GRIK1: variants seen among roughly 807,000 people sequenced by gnomAD.
GRIK1 encodes the protein glutamate receptor ionotropic, kainate 1.
In GRIK1, 69 loss-of-function variants were observed where a neutral mutation model predicts 105.7. The observed-to-expected ratio is 0.65, with a 90% confidence interval of 0.54 to 0.80. The LOEUF (loss-of-function observed/expected upper bound fraction) is 0.80. Ranked by LOEUF, GRIK1 falls within the 30% of genes least tolerant of loss-of-function variation. The pLI, the probability that GRIK1 is intolerant of heterozygous loss-of-function variation, is 0.00. For synonymous variants in GRIK1, 438 were observed against 431.3 expected (o/e 1.02, Z -0.19); for missense variants, 1,109 against 1,167.3 (o/e 0.95, Z 0.73).
At chr21:29,600,369 G>C (rs1468186680) in intron 7 of GRIK1, among the ~76,000 whole-genome samples, 1 of 152,122 alleles carries the variant, frequency 6.6e-6, no homozygotes, top group Non-Finnish European at 1.5e-5. Context: ...AACTCACATT[G>C]GGTATCTCTG....
intron 7 of GRIK1, among the ~76,000 whole-genome samples, chr21:29,621,171 C>T (rs2061993392): frequency 6.6e-6 from 1 of 152,018 alleles, no homozygotes; most frequent in African/African-American, 2.4e-5. Context: ...AGACAAAATT[C>T]TAGTTTCTCA....
At chr21:29,721,214 T>C (rs769247625) in intron 1 of GRIK1, among the ~76,000 whole-genome samples, 5 of 152,200 alleles carry the variant, frequency 3.3e-5, no homozygotes, top group Non-Finnish European at 7.3e-5. Flanking sequence ...TTTTTCCTGT[T>C]GATGTGCTTG....
At chr21:29,609,060 A>G (rs1048953274) in intron 7 of GRIK1, among the ~76,000 whole-genome samples, 2 of 151,230 alleles carry the variant, frequency 1.3e-5, no homozygotes, top group African/African-American at 2.4e-5. Flanking sequence ...CATTTCTTTT[A>G]TTCTTTTAAT....
intron 1 of GRIK1, among the ~76,000 whole-genome samples, chr21:29,910,464 C>T (rs1006837523): frequency 2.0e-4 from 30 of 152,184 alleles, no homozygotes; most frequent in Admixed American, 8.5e-4. Flanking sequence ...ACAAGTGTTT[C>T]ACTAACCTGA....
chr21:29,620,252 T>C (rs545613353), intron 7 of GRIK1, among the ~76,000 whole-genome samples: 1 of 152,272 alleles, frequency 6.6e-6, no homozygotes, highest in South Asian at 2.1e-4. Flanking sequence ...CTCTGCAGTT[T>C]TCAAATGTTG....
At chr21:29,937,622 G>A (rs995261411) in intron 1 of GRIK1, among the ~76,000 whole-genome samples, 3 of 152,092 alleles carry the variant, frequency 2.0e-5, no homozygotes, top group Non-Finnish European at 4.4e-5. Context: ...AAAGGAAAAT[G>A]CTACCTTATA....
At chr21:29,934,520 C>T (rs1000932600) in intron 1 of GRIK1, among the ~76,000 whole-genome samples, 13 of 151,956 alleles carry the variant, frequency 8.6e-5, no homozygotes, top group African/African-American at 3.1e-4. Flanking sequence ...AAGCTGAAAT[C>T]AAATATAAGA....
At chr21:29,916,237 C>T (rs558103214) in intron 1 of GRIK1, among the ~76,000 whole-genome samples, 20 of 151,806 alleles carry the variant, frequency 1.3e-4, no homozygotes, top group Non-Finnish European at 2.5e-4. Context: ...ATATTAATAT[C>T]CATATTATAA....
intron 2 of GRIK1, among the ~76,000 whole-genome samples, chr21:29,690,422 C>A (rs2063564164): frequency 6.6e-6 from 1 of 152,164 alleles, no homozygotes; most frequent in African/African-American, 2.4e-5. Flanking sequence ...TAATGTAGAA[C>A]CTCTCGGTAA....
At chr21:29,608,798 A>G (rs2061672048) in intron 7 of GRIK1, among the ~76,000 whole-genome samples, 1 of 152,182 alleles carries the variant, frequency 6.6e-6, no homozygotes, top group Admixed American at 6.5e-5. Context: ...ACCTATTGGC[A>G]CTTCAAACAG....
chr21:29,930,592 A>T (rs554336376), intron 1 of GRIK1, among the ~76,000 whole-genome samples: 1 of 152,320 alleles, frequency 6.6e-6, no homozygotes, highest in South Asian at 2.1e-4. Context: ...AGACATCAGC[A>T]CTTAAAGCAT....
At chr21:29,843,164 TATTTTAA>T (rs2068026446) in intron 1 of GRIK1, among the ~76,000 whole-genome samples, 1 of 152,132 alleles carries the variant, frequency 6.6e-6, no homozygotes, top group Admixed American at 6.6e-5. Flanking sequence ...CAAAGTACCA[TATTTTAA>T]AAACTTGTTG....
chr21:29,569,745 T>C (rs1352501659), intron 14 of GRIK1, among the ~76,000 whole-genome samples: 4 of 152,226 alleles, frequency 2.6e-5, no homozygotes, highest in Non-Finnish European at 4.4e-5. Flanking sequence ...ACTATCACTG[T>C]GAGACCACAG....
intron 7 of GRIK1, among the ~76,000 whole-genome samples, chr21:29,621,057 T>TC (rs1411075066): frequency 1.3e-4 from 19 of 151,968 alleles, no homozygotes; most frequent in Middle Eastern, 3.4e-3. Context: ...TACATAACCA[T>TC]AAGCTTTGGA....
At chr21:29,744,043 A>G (rs139791919) in intron 1 of GRIK1, among the ~76,000 whole-genome samples, 11 of 152,358 alleles carry the variant, frequency 7.2e-5, no homozygotes, top group Middle Eastern at 6.8e-3. Context: ...AAGTTTACCT[A>G]TGTAATCAAC....
intron 7 of GRIK1, among the ~76,000 whole-genome samples, chr21:29,615,749 A>G (rs2061835814): frequency 6.6e-6 from 1 of 152,224 alleles, no homozygotes; most frequent in Admixed American, 6.5e-5. Context: ...ATCAGAAATT[A>G]TTTTGAAACA....
At position 29,840,900 on chromosome 21, in the gene GRIK1, T is replaced by A. The variant is rs560629823; in HGVS notation, c.118+98483A>T. Reference sequence around the variant, plus strand: ...AACAGCTGGGAAAAAAACATAAACATGGAGCCAAAACATGGAGATTTGGCT... The same window carrying A: ...AACAGCTGGGAAAAAAACATAAACAAGGAGCCAAAACATGGAGATTTGGCT... On this transcript the variant is annotated intron_variant, in intron 1 of 17. Transcript: ENST00000327783. Among the ~76,000 whole-genome samples the A allele has an allele frequency of 2.6e-5, 4 of 152,060 alleles. No homozygotes were observed. In the East Asian group the frequency reaches 7.7e-4, roughly 29 times the overall value.
rs71191120 is a variant in GRIK1, at chr21:29,629,194, ATGTGTGTG to A, written c.1098+13624_1098+13631del. ...TTTTGGATAAATGAGGAAAGGAGAA[ATGTGTGTG>A]TGTGTGTGTGTGTGTGTGTGTGTGT... is the stretch of plus-strand genomic sequence containing the variant. On this transcript the variant is annotated intron_variant, in intron 7 of 17. Transcript: ENST00000327783. Among the ~76,000 whole-genome samples, 416 of 132,664 alleles carry A rather than the reference ATGTGTGTG, an allele frequency of 3.1e-3. 1 individual carries two copies. The highest frequency in any genetic ancestry group is 4.7e-3 in the Non-Finnish European group (296 of 62,494). The allele number at this position is 132,664 out of a possible 152,430, so 87.0% of individuals were successfully genotyped here. A position where few individuals can be genotyped will look rare whatever the true frequency, so the allele number is the denominator to read the frequency against.
chr21:29,559,462 C>T (rs564801100), intron 15 of GRIK1, among the ~76,000 whole-genome samples: 30 of 152,264 alleles, frequency 2.0e-4, no homozygotes, highest in Non-Finnish European at 2.8e-4. Flanking sequence ...ATATACACTT[C>T]ACTAGCGATA....
Sources: gnomAD v4.1 joint callset for allele counts (sites outside exome capture counted in the v4.1 genomes callset) on GRCh38, gnomAD v4.1.1 for gene constraint, MANE v1.5 for transcripts, NCBI Gene and HGNC (gene_info 2026-07-23, HGNC 2026-07-21) for gene names.